CLSTN1: variants seen among roughly 807,000 people sequenced by gnomAD.
The protein encoded by CLSTN1 is calsyntenin-1.
CLSTN1 carries 28 observed loss-of-function variants against 108.3 expected under a neutral mutation model. That is an observed-to-expected ratio of 0.26 (90% CI 0.19 to 0.35). The LOEUF (loss-of-function observed/expected upper bound fraction) is 0.35. Ranked by LOEUF, CLSTN1 falls within the 10% of genes least tolerant of loss-of-function variation. The probability of loss-of-function intolerance (pLI) is 1.00; values close to 1 mark genes in which losing one functional copy is unlikely to be tolerated. For synonymous variants in CLSTN1, 524 were observed against 534.9 expected (o/e 0.98, Z 0.28); for missense variants, 1,157 against 1,302.6 (o/e 0.89, Z 1.72).
chr1:9,737,057 A>G (rs1291222308), intron 11 of CLSTN1, among the ~76,000 whole-genome samples: 1 of 151,946 alleles, frequency 6.6e-6, no homozygotes, highest in East Asian at 1.9e-4. Context: ...CAGACAACAG[A>G]GCGGGACTCC....
At chr1:9,805,401 A>G (rs1009208146) in intron 1 of CLSTN1, among the ~76,000 whole-genome samples, 1 of 152,152 alleles carries the variant, frequency 6.6e-6, no homozygotes, top group Non-Finnish European at 1.5e-5. Context: ...TTTCCCAACT[A>G]TATCTGTGTG....
chr1:9,793,849 G>A (rs1653873752), intron 1 of CLSTN1, among the ~76,000 whole-genome samples: 1 of 151,462 alleles, frequency 6.6e-6, no homozygotes, highest in Non-Finnish European at 1.5e-5. Context: ...TGCAAAGTTG[G>A]GAATATCTTC....
chr1:9,767,800 A>G (rs570043276), intron 2 of CLSTN1, among the ~76,000 whole-genome samples: 6 of 152,222 alleles, frequency 3.9e-5, no homozygotes, highest in African/African-American at 1.4e-4. Context: ...ATGCAACACT[A>G]TAACGACTTT....
At chr1:9,799,514 G>A (rs200272412) in intron 1 of CLSTN1, among the ~76,000 whole-genome samples, 4 of 151,762 alleles carry the variant, frequency 2.6e-5, no homozygotes, top group African/African-American at 7.3e-5. Flanking sequence ...GGTGGCGGGC[G>A]CCTGTAGTCC....
intron 7 of CLSTN1, among the ~76,000 whole-genome samples, chr1:9,744,942 C>A (rs544942531): frequency 6.6e-6 from 1 of 152,160 alleles, no homozygotes; most frequent in African/African-American, 2.4e-5. Flanking sequence ...TCAGGAGAGC[C>A]GGAGTTTCAC....
intron 11 of CLSTN1, among the ~76,000 whole-genome samples, chr1:9,737,171 T>C (rs1362229540): frequency 6.6e-6 from 1 of 152,122 alleles, no homozygotes; most frequent in Non-Finnish European, 1.5e-5. Context: ...TTCATCCACA[T>C]GACAGTCACG....
intron 2 of CLSTN1, among the ~76,000 whole-genome samples, chr1:9,772,866 G>A (rs77948900): frequency 1.3e-5 from 2 of 152,178 alleles, no homozygotes; most frequent in African/African-American, 2.4e-5. Flanking sequence ...GTGATTCTCC[G>A]GCTCCATGCC....
At chr1:9,770,713 G>C (rs1385383538) in intron 2 of CLSTN1, among the ~76,000 whole-genome samples, 2 of 152,214 alleles carry the variant, frequency 1.3e-5, no homozygotes. Flanking sequence ...TGCATTATTG[G>C]CTGGGTGTGG....
rs760515208 is a variant in CLSTN1 at position 9,773,345 on chromosome 1, T to C, written c.141A>G (p.Thr47=). 6.2e-6 allele frequency: 10 copies of C among 1,614,072 alleles called. No individual in the cohort carries two copies. In the East Asian group the frequency reaches 2.0e-4, roughly 32 times the overall value. The stretch of plus-strand genomic sequence containing the variant: ...CGAGGAGCACGGTGTTGTCGTTCTC[T>C]GTGACTATGCCGTGGTAGGTGGGCT... The part of the protein sequence containing the change: ...WLEPTYHGIV[T]ENDNTVLLDP... The change falls in exon 2 of 19, where the codon ACA becomes ACG. Residue 47 remains threonine (T), a synonymous_variant. Coordinates refer to ENST00000377298, the MANE Select transcript of CLSTN1 (RefSeq NM_001009566.3).
At chr1:9,753,636 C>T (rs1415076883) in intron 4 of CLSTN1, among the ~76,000 whole-genome samples, 2 of 151,912 alleles carry the variant, frequency 1.3e-5, no homozygotes, top group East Asian at 1.9e-4. Flanking sequence ...GGACTACAGG[C>T]GCGTGCCACC....
intron 7 of CLSTN1, among the ~76,000 whole-genome samples, chr1:9,747,798 C>A (rs1452831426): frequency 6.6e-6 from 1 of 152,112 alleles, no homozygotes; most frequent in Non-Finnish European, 1.5e-5. Context: ...GCAATCAGCA[C>A]TTTGGGAGGC....
At chr1:9,793,032 G>C (rs1009851220) in intron 1 of CLSTN1, among the ~76,000 whole-genome samples, 5 of 150,818 alleles carry the variant, frequency 3.3e-5, no homozygotes, top group African/African-American at 1.2e-4. Flanking sequence ...TTTCTTTTGA[G>C]ACAGAGTCTC....
intron 2 of CLSTN1, among the ~76,000 whole-genome samples, chr1:9,765,173 T>G (rs956285337): frequency 1.3e-5 from 2 of 151,522 alleles, no homozygotes; most frequent in Non-Finnish European, 2.9e-5. Flanking sequence ...TCAACTGAGG[T>G]CAGGAGTTCA....
intron 1 of CLSTN1, among the ~76,000 whole-genome samples, chr1:9,822,565 A>T (rs923251312): frequency 6.6e-6 from 1 of 152,158 alleles, no homozygotes; most frequent in African/African-American, 2.4e-5. Flanking sequence ...AGAACAACAG[A>T]TTTAAGCCTA....
At chr1:9,744,098 C>G in intron 8 of CLSTN1, 93 bp from the exon 9 acceptor site, 1 of 1,523,812 alleles carries the variant, frequency 6.6e-7, no homozygotes, top group Non-Finnish European at 8.9e-7. Flanking sequence ...GACACAATTT[C>G]ATCTGCATAA....
At chr1:9,820,473 C>T (rs532422845) in intron 1 of CLSTN1, among the ~76,000 whole-genome samples, 2 of 152,018 alleles carry the variant, frequency 1.3e-5, no homozygotes, top group South Asian at 4.2e-4. Flanking sequence ...GAGACAAGAT[C>T]GCGCCATTGC....
chr1:9,777,019 C>T (rs760723692), intron 1 of CLSTN1, among the ~76,000 whole-genome samples: 2 of 151,914 alleles, frequency 1.3e-5, no homozygotes, highest in Non-Finnish European at 2.9e-5. Context: ...GAGTTTGAGA[C>T]CAGCCTGGCC....
chr1:9,810,789 T>A (rs916173491), intron 1 of CLSTN1, among the ~76,000 whole-genome samples: 1 of 150,936 alleles, frequency 6.6e-6, no homozygotes, highest in Non-Finnish European at 1.5e-5. Flanking sequence ...AATAAATAAA[T>A]AAAATTAAAA....
At chr1:9,763,801 C>T (rs1012763596) in intron 2 of CLSTN1, among the ~76,000 whole-genome samples, 6 of 152,134 alleles carry the variant, frequency 3.9e-5, no homozygotes, top group Admixed American at 3.9e-4. Context: ...CAGTTCCCAC[C>T]TCTGCTCCCA....
Sources: gnomAD v4.1 joint callset for allele counts (sites outside exome capture counted in the v4.1 genomes callset) on GRCh38, gnomAD v4.1.1 for gene constraint, MANE v1.5 for transcripts, NCBI Gene and HGNC (gene_info 2026-07-23, HGNC 2026-07-21) for gene names.